The following DPP6 variants were observed in gnomAD, a reference collection of about 807,000 sequenced individuals.
DPP6 encodes the protein A-type potassium channel modulatory protein DPP6.
DPP6 carries 69 observed loss-of-function variants against 122.6 expected under a neutral mutation model. That is an observed-to-expected ratio of 0.56 (90% CI 0.46 to 0.69). DPP6 has a LOEUF of 0.69. DPP6 is among the 30% of genes least tolerant of loss of function. DPP6 has a pLI of 0.00. For missense variants in DPP6, 928 were observed against 1,116.9 expected, an observed-to-expected ratio of 0.83 and a Z score of 2.41; for synonymous variants, 418 against 433.1, an observed-to-expected ratio of 0.97 and a Z score of 0.43.
intron 1 of DPP6, among the ~76,000 whole-genome samples, chr7:154,062,859 C>T: frequency 7.5e-6 from 1 of 133,154 alleles, no homozygotes; most frequent in Non-Finnish European, 1.6e-5. Context: ...AGACCCTCTT[C>T]CTCCCCCAGC....
At chr7:154,357,560 G>A (rs1811373371) in intron 1 of DPP6, among the ~76,000 whole-genome samples, 1 of 152,094 alleles carries the variant, frequency 6.6e-6, no homozygotes, top group Non-Finnish European at 1.5e-5. Context: ...CATAGCAGGT[G>A]GACTATTCGA....
intron 10 of DPP6, chr7:154,793,829 C>T: frequency 2.2e-6 from 1 of 447,248 alleles, no homozygotes; most frequent in Non-Finnish European, 3.9e-6. Flanking sequence ...GGCAGCCACA[C>T]GCAGTGACAT....
chr7:153,918,565 AGTCTCTCTCTCTCTCTCTCTCTCTCTCT>A (rs1420763607), intron 1 of DPP6, among the ~76,000 whole-genome samples: 1,070 of 57,620 alleles, frequency 0.019, 21 homozygotes, highest in African/African-American at 0.068. Flanking sequence ...ACACACACAC[AGTCTCTCTCTCTCTCTCTCTCTCTCTCT>A]CTCTCTCTCT....
chr7:154,227,092 G>T (rs1329143128), intron 1 of DPP6, among the ~76,000 whole-genome samples: 1 of 152,140 alleles, frequency 6.6e-6, no homozygotes, highest in African/African-American at 2.4e-5. Flanking sequence ...TCCAAGAGAA[G>T]TGAAATTATG....
intron 13 of DPP6, among the ~76,000 whole-genome samples, chr7:154,802,379 G>T (rs1485956540): frequency 6.6e-6 from 1 of 151,656 alleles, no homozygotes; most frequent in Non-Finnish European, 1.5e-5. Context: ...TGGAATCGGG[G>T]TGGGGGCTGC....
At position 154,760,543 on chromosome 7, in the gene DPP6, C is replaced by A. The variant is rs1795472505; in HGVS notation, c.884-8874C>A. On this transcript the variant is annotated intron_variant, in intron 8 of 25. Transcript: ENST00000377770. This position sits in a 1 kb window ranked among gnomAD's most constrained non-coding sequence, Gnocchi z 4.5. ...AAGAACTTCTGTTAGCCATTCGTTT[C>A]TTTAACTCTTTGAGGCATTGTTTCA... Among the ~76,000 whole-genome samples, 1 of 152,180 alleles carries A rather than the reference C, an allele frequency of 6.6e-6. No homozygotes were observed. Among genetic ancestry groups the A allele is most frequent in the African/African-American group, 2.4e-5 (1 of 41,458 alleles).
chr7:154,225,333 G>A (rs1306844288), intron 1 of DPP6, among the ~76,000 whole-genome samples: 5 of 152,034 alleles, frequency 3.3e-5, no homozygotes, highest in Non-Finnish European at 5.9e-5. Flanking sequence ...TCTTTCAGAA[G>A]ACATTATACA....
At chr7:154,192,057 T>C (rs987936484) in intron 1 of DPP6, among the ~76,000 whole-genome samples, 1 of 152,186 alleles carries the variant, frequency 6.6e-6, no homozygotes, top group Non-Finnish European at 1.5e-5. Context: ...TTCTGTCTCT[T>C]AATGCTTGAG....
At chr7:154,389,451 AT>A (rs11321523) in intron 1 of DPP6, among the ~76,000 whole-genome samples, 83,982 of 151,348 alleles carry the variant, frequency 0.55, 26,801 homozygotes, top group South Asian at 0.7. Flanking sequence ...TTTTCCTTAA[AT>A]TTTTTTTTTC....
Position 154,207,989 on chromosome 7 carries a change from G to A in DPP6, c.243+154926G>A, listed in dbSNP as rs141077046. Among the ~76,000 whole-genome samples the A allele has an allele frequency of 4.9e-3, 751 of 151,868 alleles. 9 individuals are homozygous for A. The highest frequency in any genetic ancestry group is 0.017 in the African/African-American group (714 of 41,398). ...AAAATTTAAGAATATGTGTATTCCCGTTTTTTACATGTAATTGGGTATTTC... is the reference window on the plus strand; with the variant it reads ...AAAATTTAAGAATATGTGTATTCCCATTTTTTACATGTAATTGGGTATTTC... On this transcript the variant is annotated intron_variant, in intron 1 of 25. Transcript: ENST00000377770.
chr7:154,591,403 T>C (rs537244830), intron 5 of DPP6, among the ~76,000 whole-genome samples: 1 of 152,218 alleles, frequency 6.6e-6, no homozygotes, highest in Admixed American at 6.5e-5. Context: ...ATGAGGATGA[T>C]GAAGAAGAAA....
At chr7:153,959,878 G>A (rs1403938052) in intron 1 of DPP6, among the ~76,000 whole-genome samples, 2 of 152,208 alleles carry the variant, frequency 1.3e-5, no homozygotes. Context: ...CTAGCTTTCA[G>A]CCGATCTCAG....
At chr7:154,336,041 T>A (rs1809385965) in intron 1 of DPP6, among the ~76,000 whole-genome samples, 1 of 152,016 alleles carries the variant, frequency 6.6e-6, no homozygotes, top group Admixed American at 6.5e-5. Flanking sequence ...GTCCATGTTT[T>A]ACTACTGTAT....
intron 1 of DPP6, among the ~76,000 whole-genome samples, chr7:154,034,005 T>G (rs1799389571): frequency 6.6e-6 from 1 of 152,204 alleles, no homozygotes; most frequent in Admixed American, 6.5e-5. Flanking sequence ...CCTGGTGACA[T>G]TGGTAGAAGG....
At chr7:154,293,501 T>TC (rs1184278716) in intron 1 of DPP6, among the ~76,000 whole-genome samples, 1 of 151,946 alleles carries the variant, frequency 6.6e-6, no homozygotes, top group Admixed American at 6.6e-5. Context: ...TAGACAAGCC[T>TC]CCCCCCATCA....
At chr7:154,356,395 C>A (rs574848852) in intron 1 of DPP6, among the ~76,000 whole-genome samples, 2 of 152,158 alleles carry the variant, frequency 1.3e-5, no homozygotes, top group Non-Finnish European at 2.9e-5. Context: ...TTTGTCCTAG[C>A]TGGGTTACCT....
intron 1 of DPP6, among the ~76,000 whole-genome samples, chr7:153,988,776 G>A: frequency 6.6e-6 from 1 of 151,982 alleles, no homozygotes; most frequent in South Asian, 2.1e-4. Context: ...GCAGTGAGTC[G>A]GAGGAATAAA....
rs1469940425 is a variant in DPP6, at chr7:154,887,731, C to T, written c.2301C>T (p.Tyr767=). ...TCCATGGACTTGACAACAGAGCATACGAGGTGTGTATGGGCACAACTAGAG... is the reference window on the plus strand; with the variant it reads ...TCCATGGACTTGACAACAGAGCATATGAGGTGTGTATGGGCACAACTAGAG... ...LGLHGLDNRA[Y]EMTKVAHRVS... The change falls in exon 23 of 26, where the codon TAC becomes TAT. Residue 767 remains tyrosine (Y), a synonymous_variant. Coordinates refer to ENST00000377770, the MANE Select transcript of DPP6 (RefSeq NM_130797.4). 3.0e-5 allele frequency: 49 copies of T among 1,613,686 alleles called. No homozygotes were observed. Among genetic ancestry groups the T allele is most frequent in the Non-Finnish European group, 3.7e-5 (44 of 1,179,654 alleles).
At chr7:154,292,877 T>C (rs1278799078) in intron 1 of DPP6, among the ~76,000 whole-genome samples, 1 of 152,232 alleles carries the variant, frequency 6.6e-6, no homozygotes, top group Non-Finnish European at 1.5e-5. Flanking sequence ...ATCCACTTTT[T>C]AAATTTTATT....
Sources: allele counts gnomAD v4.1 joint callset (sites outside exome capture counted in the v4.1 genomes callset), GRCh38; gene constraint gnomAD v4.1.1; non-coding constraint Gnocchi (gnomAD v3.1); transcripts MANE v1.5; gene names NCBI Gene and HGNC (gene_info 2026-07-23, HGNC 2026-07-21).